Variants in SGCZ observed in about 807,000 individuals in gnomAD.
The protein encoded by SGCZ is zeta-sarcoglycan.
A neutral mutation model predicts 41.3 loss-of-function variants in SGCZ; 40 were observed. The ratio of observed to expected loss-of-function variants is 0.97; its 90% CI spans 0.75 to 1.26. SGCZ has a LOEUF of 1.26. SGCZ is among the 50% of genes most tolerant of loss of function. SGCZ has a pLI of 0.00. For synonymous variants in SGCZ, 206 were observed against 137.5 expected (o/e 1.50, Z -3.49); for missense variants, 552 against 369.8 (o/e 1.49, Z -4.04).
chr8:14,708,151 T>A (rs1809390504), intron 1 of SGCZ, among the ~76,000 whole-genome samples: 1 of 151,962 alleles, frequency 6.6e-6, no homozygotes, highest in African/African-American at 2.4e-5. Flanking sequence ...AATTATATTT[T>A]AATTAGACTT....
intron 1 of SGCZ, among the ~76,000 whole-genome samples, chr8:14,761,104 G>A (rs780039171): frequency 5.9e-5 from 9 of 152,266 alleles, no homozygotes; most frequent in Middle Eastern, 3.4e-3. Flanking sequence ...ATCCATTAAT[G>A]TAATTAGTAT....
chr8:14,768,914 T>C (rs1800133888), intron 1 of SGCZ, among the ~76,000 whole-genome samples: 1 of 151,974 alleles, frequency 6.6e-6, no homozygotes, highest in Admixed American at 6.6e-5. Flanking sequence ...CAGACGAATA[T>C]CCAGAAATGG....
intron 3 of SGCZ, among the ~76,000 whole-genome samples, chr8:14,246,601 A>G (rs1799100435): frequency 8.9e-6 from 1 of 112,196 alleles, no homozygotes; most frequent in South Asian, 2.5e-4. Context: ...TATAATAAGA[A>G]AAAAAAAAAG....
intron 2 of SGCZ, among the ~76,000 whole-genome samples, chr8:14,446,414 G>A (rs956932405): frequency 6.6e-6 from 1 of 152,102 alleles, no homozygotes; most frequent in African/African-American, 2.4e-5. Context: ...ATATATCAAA[G>A]ACCACCCTGG....
intron 1 of SGCZ, among the ~76,000 whole-genome samples, chr8:14,579,815 C>T (rs572612817): frequency 6.6e-6 from 1 of 152,110 alleles, no homozygotes; most frequent in African/African-American, 2.4e-5. Context: ...CTCTTGATTC[C>T]CTTTTGTGTA....
intron 5 of SGCZ, among the ~76,000 whole-genome samples, chr8:14,131,766 C>A (rs1045559722): frequency 6.6e-6 from 1 of 152,106 alleles, no homozygotes; most frequent in African/African-American, 2.4e-5. Context: ...TATATGACAG[C>A]GATCCCTTAA....
chr8:15,005,116 G>A (rs973158661), intron 1 of SGCZ, among the ~76,000 whole-genome samples: 1 of 152,082 alleles, frequency 6.6e-6, no homozygotes, highest in Non-Finnish European at 1.5e-5. Context: ...CCTCATGCCG[G>A]CTAGTAAGTT....
Position 14,090,601 on chromosome 8 carries a change from G to C in SGCZ, c.781C>G (p.Leu261Val). 1 of 1,612,384 alleles carries C rather than the reference G, an allele frequency of 6.2e-7. No homozygotes were observed. The change falls in exon 8 of 8, where the codon CTA becomes GTA. Residue 261 changes from leucine to valine, a missense_variant. Physicochemically the swap from Leu to Val is conservative, Grantham distance 32. Coordinates refer to ENST00000382080, the MANE Select transcript of SGCZ (RefSeq NM_139167.4). ...GAAGATGAGAAGGAGCCAGTTGGTA[G>C]ATTTCCCAGCTTGATTGTCTCTGCA... The part of the protein sequence containing the change: ...LNAETIKLGN[L>V]PTGSFSSSSP...
chr8:14,125,219 C>A (rs868055286), intron 5 of SGCZ, among the ~76,000 whole-genome samples: 3 of 152,056 alleles, frequency 2.0e-5, no homozygotes, highest in African/African-American at 7.2e-5. Context: ...TGGTGGCTCA[C>A]GCCTGCAATC....
rs368857135 is a variant in SGCZ at position 15,173,432 on chromosome 8, A to C, written c.39+64153T>G. ...TGACTAAATGAGACAGTTTCTATAA[A>C]GCCTATAACATAATACCTGGCACAT... is the stretch of plus-strand genomic sequence containing the variant. On this transcript the variant is annotated intron_variant, in intron 1 of 7. Coordinates refer to ENST00000382080, the MANE Select transcript of SGCZ (RefSeq NM_139167.4). Among the ~76,000 whole-genome samples the C allele has an allele frequency of 3.3e-5, 5 of 152,298 alleles. No individual in the cohort carries two copies. The East Asian group carries it at 9.7e-4, about 29-fold the overall frequency.
chr8:14,712,563 G>C (rs1200623828), intron 1 of SGCZ, among the ~76,000 whole-genome samples: 1 of 152,102 alleles, frequency 6.6e-6, no homozygotes, highest in Non-Finnish European at 1.5e-5. Flanking sequence ...TTTGGGGGGA[G>C]ACAAATGGTA....
intron 2 of SGCZ, among the ~76,000 whole-genome samples, chr8:14,449,311 T>C (rs1800523683): frequency 6.6e-6 from 1 of 152,194 alleles, no homozygotes; most frequent in East Asian, 1.9e-4. Context: ...TCCAGTACTA[T>C]TTACTTGTCC....
At chr8:14,200,854 T>A (rs573509893) in intron 4 of SGCZ, among the ~76,000 whole-genome samples, 1 of 152,254 alleles carries the variant, frequency 6.6e-6, no homozygotes, top group African/African-American at 2.4e-5. Context: ...GGAATGAAGA[T>A]ACGTCACAGA....
intron 4 of SGCZ, among the ~76,000 whole-genome samples, chr8:14,168,822 C>A (rs1804288043): frequency 6.6e-6 from 1 of 152,114 alleles, no homozygotes; most frequent in African/African-American, 2.4e-5. Context: ...CCTACTTTTT[C>A]TTTACTTTGT....
At chr8:15,014,892 C>T (rs775150231) in intron 1 of SGCZ, among the ~76,000 whole-genome samples, 49 of 152,174 alleles carry the variant, frequency 3.2e-4, no homozygotes, top group Non-Finnish European at 5.9e-4. Flanking sequence ...TAAGCTGGCC[C>T]AAGCAGCCTT....
intron 2 of SGCZ, among the ~76,000 whole-genome samples, chr8:14,545,254 A>G (rs1342975776): frequency 6.6e-6 from 1 of 151,972 alleles, no homozygotes; most frequent in Non-Finnish European, 1.5e-5. Context: ...TGAGTTTACC[A>G]ACTGGCAATA....
At chr8:14,619,640 A>G (rs1458610315) in intron 1 of SGCZ, among the ~76,000 whole-genome samples, 1 of 152,168 alleles carries the variant, frequency 6.6e-6, no homozygotes, top group Non-Finnish European at 1.5e-5. Context: ...ATTCTTATAC[A>G]CCAAGAGCAG....
intron 1 of SGCZ, among the ~76,000 whole-genome samples, chr8:14,559,686 C>A (rs1804149310): frequency 6.6e-6 from 1 of 151,966 alleles, no homozygotes; most frequent in African/African-American, 2.4e-5. Flanking sequence ...CTTATGTTTC[C>A]ATTTTTTACC....
intron 2 of SGCZ, among the ~76,000 whole-genome samples, chr8:14,413,552 G>GTAAAACTAGAGA (rs1033666081): frequency 4.6e-5 from 7 of 151,926 alleles, no homozygotes; most frequent in African/African-American, 7.2e-5. Flanking sequence ...ATTAAAACTT[G>GTAAAACTAGAGA]TTCCATCTCT....
Sources: allele counts gnomAD v4.1 joint callset (sites outside exome capture counted in the v4.1 genomes callset), GRCh38; gene constraint gnomAD v4.1.1; transcripts MANE v1.5; gene names NCBI Gene and HGNC (gene_info 2026-07-23, HGNC 2026-07-21).